MEGF10: variants seen among roughly 807,000 people sequenced by gnomAD.
MEGF10 encodes the protein multiple epidermal growth factor-like domains protein 10.
In MEGF10, 86 loss-of-function variants were observed where a neutral mutation model predicts 147.5. The observed-to-expected ratio is 0.58, with a 90% CI of 0.49 to 0.70. The LOEUF is 0.70. Among genes scored for constraint, MEGF10 ranks in the 30% least tolerant of loss-of-function variants. The pLI is 0.00. For missense variants in MEGF10, 1,329 were observed against 1,487.3 expected (o/e 0.89, Z 1.75); for synonymous variants, 478 against 525.5 (o/e 0.91, Z 1.24).
intron 5 of MEGF10, among the ~76,000 whole-genome samples, chr5:127,392,138 G>A (rs569889610): frequency 7.9e-5 from 12 of 152,272 alleles, no homozygotes; most frequent in Non-Finnish European, 1.2e-4. Context: ...GCTGCATTTC[G>A]AAGGCTGGGG....
chr5:127,417,677 C>T lies in MEGF10; in HGVS notation c.1170C>T (p.Gly390=), dbSNP rs755392216. ...CTGGAGAGTGTGCCTGCAAGCCGGG[C>T]TGGTCAGGACTCTACTGTAATGAGA... ...PMSGECACKP[G]WSGLYCNETC... Residue 390 remains glycine, a synonymous_variant, in exon 10 of 25, where the codon GGC becomes GGT. Coordinates refer to ENST00000503335, the MANE Select transcript of MEGF10 (RefSeq NM_001256545.2). 3 of 1,614,126 alleles carry T rather than the reference C, an allele frequency of 1.9e-6. No homozygotes were observed. Among genetic ancestry groups the T allele is most frequent in the Non-Finnish European group, 2.5e-6 (3 of 1,180,020 alleles).
chr5:127,348,487 G>C (rs79699136), intron 4 of MEGF10, among the ~76,000 whole-genome samples: 1 of 151,876 alleles, frequency 6.6e-6, no homozygotes, highest in Non-Finnish European at 1.5e-5. Flanking sequence ...AATAAGCCAG[G>C]TCACCCAAAT....
chr5:127,255,608 G>C, the MEGF10 span, among the ~76,000 whole-genome samples: 306 of 152,272 alleles, frequency 2.0e-3, no homozygotes, highest in Middle Eastern at 3.4e-3. Context: ...CTTTGCAAAG[G>C]TGGTTTCAAT....
chr5:127,398,806 C>T lies in MEGF10; in HGVS notation c.780+10C>T, dbSNP rs1162439905. On this transcript the variant is annotated intron_variant, in intron 7 of 24. Transcript: ENST00000503335. ...CCCTTCTGGCTGGATGGTAAGCTTCCTTCCCACCTCCTCTGCCCCTGCCCC... is the reference window on the plus strand; with the variant it reads ...CCCTTCTGGCTGGATGGTAAGCTTCTTTCCCACCTCCTCTGCCCCTGCCCC... 3 of 1,613,126 alleles carry T rather than the reference C, an allele frequency of 1.9e-6. No homozygotes were observed. The highest frequency in any genetic ancestry group is 1.3e-5 in the African/African-American group (1 of 74,884).
chr5:127,251,650 T>A, the MEGF10 span, among the ~76,000 whole-genome samples: 2 of 151,982 alleles, frequency 1.3e-5, no homozygotes, highest in African/African-American at 2.4e-5. Context: ...GAAATACATT[T>A]AGACATATGC....
intron 8 of MEGF10, among the ~76,000 whole-genome samples, chr5:127,409,106 A>G (rs978077484): frequency 5.3e-5 from 8 of 152,180 alleles, no homozygotes; most frequent in African/African-American, 1.9e-4. Flanking sequence ...TGTCCTCTAC[A>G]CTAAAATAGA....
At chr5:127,310,019 T>TCCTTCC (rs1561562177) in intron 1 of MEGF10, among the ~76,000 whole-genome samples, 1 of 58,718 alleles carries the variant, frequency 1.7e-5, no homozygotes, top group Non-Finnish European at 4.2e-5. Context: ...CCTTTCTTTT[T>TCCTTCC]TTCTTTCTTT....
chr5:127,269,758 A>G, the MEGF10 span, among the ~76,000 whole-genome samples: 2 of 152,144 alleles, frequency 1.3e-5, no homozygotes, highest in Non-Finnish European at 2.9e-5. Flanking sequence ...CCTCGAGAAG[A>G]GCAACTCCAA....
chr5:127,393,691 G>C (rs1405660117), intron 5 of MEGF10, among the ~76,000 whole-genome samples: 1 of 152,062 alleles, frequency 6.6e-6, no homozygotes, highest in Non-Finnish European at 1.5e-5. Flanking sequence ...GACATAGCCA[G>C]GAAATTAACC....
At chr5:127,244,420 A>G in the MEGF10 span, among the ~76,000 whole-genome samples, 8 of 151,974 alleles carry the variant, frequency 5.3e-5, no homozygotes, top group Non-Finnish European at 1.0e-4. Flanking sequence ...GAGTTCCAGA[A>G]GGAGAAAACT....
the MEGF10 span, among the ~76,000 whole-genome samples, chr5:127,258,063 A>G: frequency 2.0e-5 from 3 of 152,320 alleles, no homozygotes; most frequent in African/African-American, 2.4e-5. Context: ...ATGGGTGACA[A>G]TATGAATCAG....
chr5:127,348,528 G>A (rs150337059), intron 4 of MEGF10, among the ~76,000 whole-genome samples: 140 of 152,188 alleles, frequency 9.2e-4, no homozygotes, highest in African/African-American at 3.0e-3. Context: ...TTTGTTAAAC[G>A]TGAAGTTTGT....
chr5:127,438,339 ACCT>A, intron 16 of MEGF10, 97 bp from the exon 17 acceptor site: 1 of 1,359,992 alleles, frequency 7.4e-7, no homozygotes, highest in South Asian at 1.3e-5. Context: ...TACACTGCTA[ACCT>A]CTCACATGCA....
chr5:127,276,352 A>G, the MEGF10 span, among the ~76,000 whole-genome samples: 1 of 152,244 alleles, frequency 6.6e-6, no homozygotes. Flanking sequence ...GGCTAATATG[A>G]ATTCCCTGGG....
rs372992483 is a variant in MEGF10 at position 127,308,705 on chromosome 5, G to A, written c.-19+17649G>A. Among the ~76,000 whole-genome samples, 8 of 150,462 alleles carry A rather than the reference G, an allele frequency of 5.3e-5. No homozygotes were observed. The East Asian group carries it at 9.8e-4, about 18-fold the overall frequency. ...AGGAAGGGGAACATCACACACCAGA[G>A]CCTGTTGTGGGGTGGGGGGAAGGGG... On this transcript the variant is annotated intron_variant, in intron 1 of 24. Transcript: ENST00000503335.
At chr5:127,265,130 A>G in the MEGF10 span, among the ~76,000 whole-genome samples, 1 of 151,972 alleles carries the variant, frequency 6.6e-6, no homozygotes. Flanking sequence ...AAGTGTTCTC[A>G]TTGTTCAGTT....
chr5:127,314,010 A>G (rs1760414191), intron 1 of MEGF10, among the ~76,000 whole-genome samples: 1 of 152,122 alleles, frequency 6.6e-6, no homozygotes. Flanking sequence ...GATGAAGTGG[A>G]AAGTTGGCCA....
At chr5:127,326,102 A>T (rs986944605) in intron 1 of MEGF10, among the ~76,000 whole-genome samples, 1 of 150,058 alleles carries the variant, frequency 6.7e-6, no homozygotes, top group Non-Finnish European at 1.5e-5. Context: ...TTAAATAAGG[A>T]TGTGGTCTTG....
At chr5:127,331,043 G>A (rs113022041) in intron 1 of MEGF10, among the ~76,000 whole-genome samples, 131 of 152,276 alleles carry the variant, frequency 8.6e-4, no homozygotes, top group African/African-American at 2.9e-3. Context: ...AAGGGCTTTT[G>A]TTCTTGTGGC....
Sources: allele counts gnomAD v4.1 joint callset (sites outside exome capture counted in the v4.1 genomes callset), GRCh38; gene constraint gnomAD v4.1.1; transcripts MANE v1.5; gene names NCBI Gene and HGNC (gene_info 2026-07-23, HGNC 2026-07-21).